Variants in RBM20 observed in about 807,000 individuals in gnomAD.
RBM20 encodes the protein RNA-binding protein 20.
A neutral mutation model predicts 110.1 loss-of-function variants in RBM20; 51 were observed. That is an observed-to-expected ratio of 0.46 (90% CI 0.37 to 0.59). The LOEUF is 0.59. Ranked by LOEUF, RBM20 falls within the 20% of genes least tolerant of loss-of-function variation. The probability of loss-of-function intolerance (pLI) is 0.00; values close to 1 mark genes in which losing one functional copy is unlikely to be tolerated. For missense variants in RBM20, 1,512 were observed against 1,574.9 expected (o/e 0.96, Z 0.68); for synonymous variants, 589 against 618.2 (o/e 0.95, Z 0.70).
intron 1 of RBM20, among the ~76,000 whole-genome samples, chr10:110,770,545 C>A (rs541412454): frequency 6.6e-6 from 1 of 152,198 alleles, no homozygotes. Context: ...CTTCCTCCCC[C>A]ACTGGCCCAC....
chr10:110,814,174 C>T (rs565519295), intron 9 of RBM20, among the ~76,000 whole-genome samples: 14 of 152,318 alleles, frequency 9.2e-5, no homozygotes, highest in Non-Finnish European at 1.5e-4. Context: ...ACTGAAGAGT[C>T]ACCTTTTGGA....
intron 1 of RBM20, among the ~76,000 whole-genome samples, chr10:110,717,815 C>T (rs1325416284): frequency 1.3e-5 from 2 of 152,242 alleles, no homozygotes; most frequent in African/African-American, 2.4e-5. Flanking sequence ...GGATCTTCCT[C>T]ACTCACTGGA....
chr10:110,813,066 G>A, intron 9 of RBM20, 119 bp downstream of exon 9: 2 of 746,122 alleles, frequency 2.7e-6, no homozygotes, highest in South Asian at 4.4e-5. Flanking sequence ...TATTTACTAT[G>A]CGCTAGGCAC....
chr10:110,831,762 A>G (rs1483563031), intron 13 of RBM20, among the ~76,000 whole-genome samples: 1 of 151,842 alleles, frequency 6.6e-6, no homozygotes, highest in Non-Finnish European at 1.5e-5. Context: ...GGTACCAGAC[A>G]CTATTCTAGG....
At chr10:110,746,572 A>T (rs1226216152) in intron 1 of RBM20, among the ~76,000 whole-genome samples, 1 of 152,216 alleles carries the variant, frequency 6.6e-6, no homozygotes, top group African/African-American at 2.4e-5. Context: ...GTCGACCCCG[A>T]GTATTTCAAG....
rs117768911 is a variant in RBM20 at position 110,663,664 on chromosome 10, A to C, written c.191+19019A>C. Reference sequence around the variant, plus strand: ...AAAAAAATTAAATTCACATGGACAAAAGTAATCCCCAAAAATCAAGACTAA... The same window carrying C: ...AAAAAAATTAAATTCACATGGACAACAGTAATCCCCAAAAATCAAGACTAA... On this transcript the variant is annotated intron_variant, in intron 1 of 13. Coordinates refer to ENST00000369519, the MANE Select transcript of RBM20 (RefSeq NM_001134363.3). Among the ~76,000 whole-genome samples the C allele has an allele frequency of 9.1e-4, 139 of 152,306 alleles. 1 individual carries two copies. The highest frequency in any genetic ancestry group is 1.7e-3 in the Non-Finnish European group (119 of 68,022).
Position 110,820,154 on chromosome 10 carries a change from C to A in RBM20, c.2633C>A (p.Pro878Gln). 1 of 1,550,980 alleles carries A rather than the reference C, an allele frequency of 6.4e-7. No homozygotes were observed. The highest frequency in any genetic ancestry group is 8.7e-7 in the Non-Finnish European group (1 of 1,146,394). The change falls in exon 10 of 14, where the codon CCG becomes CAG. Residue 878 changes from proline (P) to glutamine (Q), a missense_variant. Around this residue, in one of 3 missense-constraint regions of RBM20, gnomAD observed 1,149 missense variants for 1,169.4 expected, o/e 0.98. Coordinates refer to ENST00000369519, the MANE Select transcript of RBM20 (RefSeq NM_001134363.3). ...RQEKEAEFSD[P>Q]ENTRTKKEQD... ...GAGAAAGAAGCAGAGTTCTCTGATCCGGAAAACACAAGGACAAAGAAGGTA... is the reference window on the plus strand; with the variant it reads ...GAGAAAGAAGCAGAGTTCTCTGATCAGGAAAACACAAGGACAAAGAAGGTA...
intron 1 of RBM20, among the ~76,000 whole-genome samples, chr10:110,780,561 G>T (rs1844323595): frequency 6.7e-6 from 1 of 149,808 alleles, no homozygotes; most frequent in Admixed American, 6.6e-5. Context: ...AATGGTTTTA[G>T]TTTATGTTTC....
chr10:110,775,168 GC>G (rs1374645236), intron 1 of RBM20, among the ~76,000 whole-genome samples: 2 of 152,138 alleles, frequency 1.3e-5, no homozygotes, highest in Non-Finnish European at 2.9e-5. Flanking sequence ...CATTTATTTG[GC>G]CACACCTTTA....
intron 1 of RBM20, among the ~76,000 whole-genome samples, chr10:110,758,781 A>C (rs1406389124): frequency 6.6e-6 from 1 of 152,188 alleles, no homozygotes; most frequent in Admixed American, 6.5e-5. Flanking sequence ...AAAATGTGGC[A>C]AATAGCTATC....
At chr10:110,650,641 T>C (rs1861933117) in intron 1 of RBM20, among the ~76,000 whole-genome samples, 1 of 152,228 alleles carries the variant, frequency 6.6e-6, no homozygotes, top group Admixed American at 6.5e-5. Flanking sequence ...ACCTGCTTTC[T>C]CTTGATCACA....
intron 13 of RBM20, among the ~76,000 whole-genome samples, chr10:110,832,765 T>G (rs1424368861): frequency 2.0e-5 from 3 of 152,184 alleles, no homozygotes; most frequent in Non-Finnish European, 2.9e-5. Flanking sequence ...CAGAGAAGTA[T>G]CATAGGCTAT....
intron 1 of RBM20, among the ~76,000 whole-genome samples, chr10:110,766,992 CGGGCAGAGGGG>C (rs1844098774): frequency 6.8e-6 from 1 of 147,798 alleles, no homozygotes; most frequent in African/African-American, 2.5e-5. Context: ...GGCGGCTGGC[CGGGCAGAGGGG>C]CTCCTCACTT....
At chr10:110,667,638 G>C (rs1022179430) in intron 1 of RBM20, among the ~76,000 whole-genome samples, 1 of 152,148 alleles carries the variant, frequency 6.6e-6, no homozygotes, top group Non-Finnish European at 1.5e-5. Flanking sequence ...CCAGAACCCA[G>C]CCCCCTTTTC....
At chr10:110,719,216 C>T (rs557974385) in intron 1 of RBM20, among the ~76,000 whole-genome samples, 1 of 152,368 alleles carries the variant, frequency 6.6e-6, no homozygotes, top group South Asian at 2.1e-4. Context: ...TTTGTTTTCC[C>T]ACATCCTCAC....
chr10:110,770,074 C>T (rs1195065161), intron 1 of RBM20, among the ~76,000 whole-genome samples: 1 of 152,090 alleles, frequency 6.6e-6, no homozygotes, highest in Admixed American at 6.5e-5. Flanking sequence ...TCTAGTACAG[C>T]GGTTCTCAAG....
chr10:110,707,532 C>T (rs997438304), intron 1 of RBM20, among the ~76,000 whole-genome samples: 1 of 152,068 alleles, frequency 6.6e-6, no homozygotes, highest in African/African-American at 2.4e-5. Context: ...TTTTAAAAGG[C>T]AAAGAGCATA....
At chr10:110,771,672 G>A (rs931409991) in intron 1 of RBM20, among the ~76,000 whole-genome samples, 5 of 152,176 alleles carry the variant, frequency 3.3e-5, no homozygotes, top group Non-Finnish European at 5.9e-5. Flanking sequence ...CTGGATGGGA[G>A]CAGAAACCAG....
At chr10:110,659,186 G>A (rs185253729) in intron 1 of RBM20, among the ~76,000 whole-genome samples, 1 of 152,214 alleles carries the variant, frequency 6.6e-6, no homozygotes, top group African/African-American at 2.4e-5. Flanking sequence ...CCAAAGCTTG[G>A]TTTTCTCCAG....
Sources: gnomAD v4.1 joint callset for allele counts (sites outside exome capture counted in the v4.1 genomes callset) on GRCh38, gnomAD v4.1.1 for gene constraint, gnomAD v4.1.1 regional missense constraint, MANE v1.5 for transcripts, NCBI Gene and HGNC (gene_info 2026-07-23, HGNC 2026-07-21) for gene names.